The following HDAC4 variants were observed in gnomAD, a reference collection of about 807,000 sequenced individuals.
HDAC4 encodes histone deacetylase 4, also known as histone deacetylase A.
Under a neutral mutation model 135.1 loss-of-function variants are expected in HDAC4, and 16 were observed. That is an observed-to-expected ratio of 0.12 (90% CI 0.08 to 0.18). HDAC4 has a LOEUF of 0.18. Among genes scored for constraint, HDAC4 ranks in the 10% least tolerant of loss-of-function variants. The pLI is 1.00. For synonymous variants in HDAC4, 685 were observed against 653.4 expected, an observed-to-expected ratio of 1.05 and a Z score of -0.74; for missense variants, 1,143 against 1,511.8, an observed-to-expected ratio of 0.76 and a Z score of 4.05.
intron 3 of HDAC4, among the ~76,000 whole-genome samples, chr2:239,223,693 G>A (rs1559248335): frequency 6.6e-6 from 1 of 152,006 alleles, no homozygotes; most frequent in Non-Finnish European, 1.5e-5. Context: ...GAGCAACCAC[G>A]AGTCCCACTT....
chr2:239,353,044 C>T, intron 1 of HDAC4, 126 bp from the exon 2 acceptor site: 1 of 334,318 alleles, frequency 3.0e-6, no homozygotes, highest in Non-Finnish European at 5.8e-6. Context: ...TGCTCTATCG[C>T]CCAGGCTGGA....
intron 1 of HDAC4, among the ~76,000 whole-genome samples, chr2:239,396,310 C>CTGGA (rs1445430362): frequency 5.3e-5 from 8 of 152,052 alleles, no homozygotes; most frequent in Non-Finnish European, 1.2e-4. Flanking sequence ...ATATGGGTCT[C>CTGGA]TCCAGAGAGC....
chr2:239,284,405 T>C lies in HDAC4; in HGVS notation c.23-47741A>G, dbSNP rs2051011986. The stretch of plus-strand genomic sequence containing the variant: ...GACCCAGTGATGGCCAACAGCATGC[T>C]CCATCACGGGGACCCTCCGCGGGGC... On this transcript the variant is annotated intron_variant, in intron 2 of 26. Transcript: ENST00000543185. 2.6e-5 allele frequency among the ~76,000 whole-genome samples: 4 copies of C among 152,038 alleles called. No individual in the cohort carries two copies. In the South Asian group the frequency reaches 8.3e-4, roughly 31 times the overall value.
chr2:239,113,597 C>A (rs1404976742), intron 13 of HDAC4, among the ~76,000 whole-genome samples: 1 of 152,202 alleles, frequency 6.6e-6, no homozygotes, highest in Non-Finnish European at 1.5e-5. Flanking sequence ...ATATAACAAG[C>A]CTCTTTTTCT....
intron 13 of HDAC4, 148 bp from the exon 14 acceptor site, chr2:239,111,860 G>T: frequency 1.3e-6 from 1 of 745,494 alleles, no homozygotes; most frequent in South Asian, 1.7e-5. Flanking sequence ...GCTGCGTGGA[G>T]AGGCCTTCCC....
At chr2:239,145,170 G>T (rs962048152) in intron 7 of HDAC4, among the ~76,000 whole-genome samples, 2 of 152,220 alleles carry the variant, frequency 1.3e-5, no homozygotes, top group African/African-American at 4.8e-5. Context: ...TGACAGGGAT[G>T]TGAGGCTGGG....
intron 2 of HDAC4, among the ~76,000 whole-genome samples, chr2:239,266,650 C>G (rs770670685): frequency 2.6e-5 from 4 of 152,212 alleles, no homozygotes; most frequent in East Asian, 1.9e-4. Flanking sequence ...AGCGCTGCAG[C>G]TCACAGCTCA....
At chr2:239,383,150 G>A (rs1041191196) in intron 1 of HDAC4, among the ~76,000 whole-genome samples, 5 of 152,098 alleles carry the variant, frequency 3.3e-5, no homozygotes, top group East Asian at 1.9e-4. Flanking sequence ...ATCTCACCCC[G>A]CTCACCCAAA....
At chr2:239,332,639 A>C (rs1216862056) in intron 2 of HDAC4, among the ~76,000 whole-genome samples, 1 of 152,046 alleles carries the variant, frequency 6.6e-6, no homozygotes, top group East Asian at 1.9e-4. Context: ...GTCTGAAAAA[A>C]AAAAATCAGT....
intron 16 of HDAC4, among the ~76,000 whole-genome samples, chr2:239,100,576 G>A (rs926691428): frequency 1.3e-5 from 2 of 152,126 alleles, no homozygotes; most frequent in African/African-American, 4.8e-5. Flanking sequence ...GCCGTTCCTC[G>A]GGCCCTGGGT....
At chr2:239,234,155 A>C (rs2047751468) in intron 3 of HDAC4, among the ~76,000 whole-genome samples, 1 of 152,234 alleles carries the variant, frequency 6.6e-6, no homozygotes, top group African/African-American at 2.4e-5. Flanking sequence ...GGCACAGGCC[A>C]CTGTGCAGGC....
chr2:239,355,592 T>G (rs1693438742), intron 1 of HDAC4, among the ~76,000 whole-genome samples: 1 of 152,242 alleles, frequency 6.6e-6, no homozygotes, highest in African/African-American at 2.4e-5. Context: ...TTTGAAAATA[T>G]TTTTTCCTGA....
intron 3 of HDAC4, among the ~76,000 whole-genome samples, chr2:239,203,545 C>T (rs1259225989): frequency 6.6e-6 from 1 of 152,212 alleles, no homozygotes; most frequent in South Asian, 2.1e-4. Flanking sequence ...GAAGCTGAAC[C>T]GCTTTAACTG....
At chr2:239,365,466 TC>T (rs1239683314) in intron 1 of HDAC4, among the ~76,000 whole-genome samples, 1 of 152,166 alleles carries the variant, frequency 6.6e-6, no homozygotes, top group Non-Finnish European at 1.5e-5. Context: ...AGGCTCTGAT[TC>T]CCCCACCCTC....
At chr2:239,230,849 T>G (rs1487237998) in intron 3 of HDAC4, among the ~76,000 whole-genome samples, 1 of 152,056 alleles carries the variant, frequency 6.6e-6, no homozygotes, top group African/African-American at 2.4e-5. Context: ...TGTACCAGAT[T>G]CCACTTTCTT....
At chr2:239,087,018 G>A (rs1480645659) in intron 19 of HDAC4, among the ~76,000 whole-genome samples, 1 of 152,196 alleles carries the variant, frequency 6.6e-6, no homozygotes, top group African/African-American at 2.4e-5. Flanking sequence ...ACACAGGGAT[G>A]GATCCGGGAG....
intron 2 of HDAC4, among the ~76,000 whole-genome samples, chr2:239,289,041 CCAGGA>C (rs2051307625): frequency 6.6e-6 from 1 of 152,176 alleles, no homozygotes; most frequent in South Asian, 2.1e-4. Context: ...CCTGCTGGCC[CCAGGA>C]CAGGCTCTGG....
rs569112104 is a variant in HDAC4 at position 239,274,222 on chromosome 2, T to C, written c.23-37558A>G. ...TCACTCTGTTCTGTTTTGCTGTTTATTATTTGTTGCAAACATAAACCTGGG... is the reference window on the plus strand; with the variant it reads ...TCACTCTGTTCTGTTTTGCTGTTTACTATTTGTTGCAAACATAAACCTGGG... On this transcript the variant is annotated intron_variant, in intron 2 of 26. Transcript: ENST00000543185. Among the ~76,000 whole-genome samples the C allele has an allele frequency of 1.7e-4, 26 of 152,354 alleles. 1 individual carries two copies. In the South Asian group the frequency reaches 3.5e-3, roughly 21 times the overall value.
chr2:239,169,194 A>T (rs2043295247), intron 5 of HDAC4, among the ~76,000 whole-genome samples: 2 of 152,180 alleles, frequency 1.3e-5, no homozygotes, highest in African/African-American at 4.8e-5. Flanking sequence ...TAAATTTTAA[A>T]CTTCAATTCT....
Sources: allele counts gnomAD v4.1 joint callset (sites outside exome capture counted in the v4.1 genomes callset), GRCh38; gene constraint gnomAD v4.1.1; transcripts MANE v1.5; gene names NCBI Gene and HGNC (gene_info 2026-07-23, HGNC 2026-07-21).